The following UPF1 variants were observed in gnomAD, a reference collection of about 807,000 sequenced individuals.
UPF1 encodes the protein UPF1 RNA helicase and ATPase.
In UPF1, 9 loss-of-function variants were observed where a neutral mutation model predicts 129.2. The observed-to-expected ratio is 0.07, with a 90% CI of 0.04 to 0.12. UPF1 has a LOEUF of 0.12. Ranked by LOEUF, UPF1 falls within the 10% of genes least tolerant of loss-of-function variation. The pLI is 1.00. For synonymous variants in UPF1, 649 were observed against 644.9 expected (o/e 1.01, Z -0.10); for missense variants, 788 against 1,525.3 (o/e 0.52, Z 8.05).
In UPF1 at chr19:18,853,301, C is replaced by T; in HGVS notation, c.1107C>T (p.Asp369=). Residue 369 remains aspartate (D), a synonymous_variant, in exon 8 of 24, where the codon GAC becomes GAT. Transcript: ENST00000262803. The surrounding 1 kb of genome is among the most constrained non-coding windows in gnomAD (Gnocchi z 4.4). ...AGATATGCCTGCGGTACAAAGGGGA[C>T]CTTGCGCCCCTGTGGAAAGGGATCG... The part of the protein sequence containing the change: ...GDEICLRYKG[D]LAPLWKGIGH... 1 of 1,613,208 alleles carries T rather than the reference C, an allele frequency of 6.2e-7. No individual in the cohort carries two copies. The highest frequency in any genetic ancestry group is 2.2e-5 in the East Asian group (1 of 44,854).
intron 23 of UPF1, 86 bp downstream of exon 23, chr19:18,866,252 G>A (rs1015422949): frequency 2.8e-6 from 4 of 1,450,566 alleles, no homozygotes; most frequent in East Asian, 5.0e-5. Flanking sequence ...CTGCACTGGA[G>A]GGGTGGTATC....
At chr19:18,856,833 C>T (rs770875218) in intron 13 of UPF1, 44 bp from the exon 14 acceptor site, 14 of 1,571,682 alleles carry the variant, frequency 8.9e-6, no homozygotes, top group African/African-American at 8.1e-5. Flanking sequence ...GGTCTGGTGG[C>T]GTTTACAGTG....
intron 1 of UPF1, among the ~76,000 whole-genome samples, chr19:18,836,749 A>AT (rs755282469): frequency 0.024 from 3,073 of 129,462 alleles, 51 homozygotes; most frequent in Middle Eastern, 0.05. Flanking sequence ...CTATCCACCC[A>AT]TTTTTTTTTT....
intron 19 of UPF1, 42 bp downstream of exon 19, chr19:18,863,654 C>T (rs766643019): frequency 2.2e-5 from 35 of 1,567,220 alleles, no homozygotes; most frequent in South Asian, 6.7e-5. Context: ...CGGAGAAACC[C>T]GGGCCCAAAA....
Position 18,868,156 on chromosome 19 carries a change from A to C in UPF1, c.*1639A>C, listed in dbSNP as rs2055881378. On this transcript the variant is annotated 3_prime_UTR_variant, in exon 24 of 24. Transcript: ENST00000262803. Reference sequence around the variant, plus strand: ...TGACAAACCCAGGCGCACTGTACCAAGGCAATGTAACTTTTGATTTTCGGT... The same window carrying C: ...TGACAAACCCAGGCGCACTGTACCACGGCAATGTAACTTTTGATTTTCGGT... 8.5e-6 allele frequency: 2 copies of C among 234,814 alleles called. No individual in the cohort carries two copies. The highest frequency in any genetic ancestry group is 1.1e-4 in the South Asian group (2 of 18,088). 14.5% of individuals were successfully genotyped at this position (234,814 alleles called of 1,614,324 possible).
At chr19:18,841,414 G>A (rs2055539812) in intron 1 of UPF1, among the ~76,000 whole-genome samples, 1 of 152,172 alleles carries the variant, frequency 6.6e-6, no homozygotes, top group Non-Finnish European at 1.5e-5. Flanking sequence ...TAGCTGCAGC[G>A]CCGTTATCAC....
chr19:18,860,710 C>G (rs1289130378), intron 16 of UPF1, 116 bp from the exon 17 acceptor site: 1 of 1,439,910 alleles, frequency 6.9e-7, no homozygotes. Context: ...TGTGCAAACG[C>G]CAGTGATGGC....
chr19:18,865,877 G>A lies in UPF1; in HGVS notation c.3237+99G>A. The A allele has an allele frequency of 1.9e-6, 3 of 1,574,420 alleles. No individual in the cohort carries two copies. The highest frequency in any genetic ancestry group is 2.2e-5 in the South Asian group (2 of 88,978). On this transcript the variant is annotated intron_variant, in intron 22 of 23. Transcript: ENST00000262803. The surrounding 1 kb of genome is among the most constrained non-coding windows in gnomAD (Gnocchi z 6.1). ...GCCCCAGAGAGCTGGCCTGGCCCAT[G>A]TCCACTGTCTGAATTACCTGTCCCT...
intron 1 of UPF1, among the ~76,000 whole-genome samples, chr19:18,839,942 C>T (rs1196323623): frequency 6.6e-6 from 1 of 152,246 alleles, no homozygotes; most frequent in Non-Finnish European, 1.5e-5. Flanking sequence ...AGAAGCTGTA[C>T]CTGCCAGGCA....
intron 3 of UPF1, chr19:18,849,470 G>C (rs1016160945): frequency 6.4e-6 from 1 of 157,266 alleles, no homozygotes; most frequent in Non-Finnish European, 1.4e-5. Context: ...TGGCCACGTC[G>C]CAGCAAGGAA....
intron 13 of UPF1, 33 bp downstream of exon 13, chr19:18,856,333 T>C (rs748512935): frequency 6.4e-7 from 1 of 1,564,036 alleles, no homozygotes; most frequent in Non-Finnish European, 8.7e-7. Context: ...AAAGGGCCTG[T>C]GGGCTGGCGG....
intron 1 of UPF1, among the ~76,000 whole-genome samples, chr19:18,836,749 A>ATTTT (rs755282469): frequency 7.7e-6 from 1 of 129,492 alleles, no homozygotes. Context: ...CTATCCACCC[A>ATTTT]TTTTTTTTTT....
intron 1 of UPF1, among the ~76,000 whole-genome samples, chr19:18,845,469 C>G (rs1568272828): frequency 6.6e-6 from 1 of 152,152 alleles, no homozygotes; most frequent in Non-Finnish European, 1.5e-5. Flanking sequence ...TCTCAGTGTT[C>G]AGTTTCTACT....
chr19:18,837,134 G>T (rs180911215), intron 1 of UPF1, among the ~76,000 whole-genome samples: 1 of 152,094 alleles, frequency 6.6e-6, no homozygotes, highest in East Asian at 1.9e-4. Context: ...CTGTCACCCA[G>T]GCTGTAGTGC....
In UPF1 at chr19:18,865,504, G is replaced by A. The variant is rs528392980; in HGVS notation, c.3019+54G>A. On this transcript the variant is annotated intron_variant, in intron 21 of 23. Coordinates refer to ENST00000262803, the MANE Select transcript of UPF1 (RefSeq NM_002911.4). The surrounding 1 kb of genome is among the most constrained non-coding windows in gnomAD (Gnocchi z 6.1). Reference sequence around the variant, plus strand: ...GGCCCTCCTGAGAGCTCTTGAGGGTGTGCTTGTCTGCGAGGCCCTGGCCTC... The same window carrying A: ...GGCCCTCCTGAGAGCTCTTGAGGGTATGCTTGTCTGCGAGGCCCTGGCCTC... 4.9e-4 allele frequency: 783 copies of A among 1,612,558 alleles called. 5 individuals are homozygous for A. The South Asian group carries it at 5.2e-3, about 11-fold the overall frequency.
intron 17 of UPF1, 100 bp from the exon 18 acceptor site, chr19:18,861,910 C>A: frequency 6.7e-7 from 1 of 1,487,138 alleles, no homozygotes; most frequent in East Asian, 2.4e-5. Context: ...CCCAAGCTCC[C>A]GGGTGGGATT....
At chr19:18,837,921 C>T (rs1485555373) in intron 1 of UPF1, among the ~76,000 whole-genome samples, 2 of 152,236 alleles carry the variant, frequency 1.3e-5, no homozygotes, top group African/African-American at 2.4e-5. Context: ...GCCGACCTGT[C>T]GTCCAGCCCT....
chr19:18,847,775 G>A lies in UPF1; in HGVS notation c.403G>A (p.Val135Ile), dbSNP rs1475181470. The A allele has an allele frequency of 1.9e-6, 3 of 1,614,206 alleles. No homozygotes were observed. The Admixed American group carries it at 5.0e-5, about 27-fold the overall frequency. The change falls in exon 3 of 24, where the codon GTT becomes ATT. Residue 135 changes from valine to isoleucine, a missense_variant. Transcript: ENST00000262803. ...TGGAATACACGATCCTGCCTGCGTG[G>A]TTTACTGTAATACCAGCAAGAAGTG... ...YCGIHDPACV[V>I]YCNTSKKWFC...
intron 1 of UPF1, among the ~76,000 whole-genome samples, chr19:18,841,530 G>C (rs1337554543): frequency 6.6e-6 from 1 of 152,226 alleles, no homozygotes; most frequent in East Asian, 1.9e-4. Context: ...CCGCTGTTGA[G>C]ATGATGGCTG....
Sources: gnomAD v4.1 joint callset for allele counts (sites outside exome capture counted in the v4.1 genomes callset) on GRCh38, gnomAD v4.1.1 for gene constraint, Gnocchi (gnomAD v3.1) non-coding constraint, MANE v1.5 for transcripts, NCBI Gene and HGNC (gene_info 2026-07-23, HGNC 2026-07-21) for gene names.